The following MEMO1 variants were observed in gnomAD, a reference collection of about 807,000 sequenced individuals.
The protein encoded by MEMO1 is protein MEMO1.
A neutral mutation model predicts 45.2 loss-of-function variants in MEMO1; 6 were observed. The ratio of observed to expected loss-of-function variants is 0.13; its 90% CI spans 0.07 to 0.26. The LOEUF (loss-of-function observed/expected upper bound fraction) is 0.26. MEMO1 is among the 10% of genes least tolerant of loss of function. The probability of loss-of-function intolerance (pLI) is 1.00; values close to 1 mark genes in which losing one functional copy is unlikely to be tolerated. For missense variants in MEMO1, 184 were observed against 370.5 expected, an observed-to-expected ratio of 0.50 and a Z score of 4.13; for synonymous variants, 78 against 124.3, an observed-to-expected ratio of 0.63 and a Z score of 2.48.
intron 2 of MEMO1, among the ~76,000 whole-genome samples, chr2:32,005,393 A>C (rs1354839821): frequency 2.9e-5 from 3 of 103,466 alleles, no homozygotes. Flanking sequence ...GAAAACAGAC[A>C]AAATTTTTCT....
chr2:31,943,894 G>C (rs1451669462), intron 2 of MEMO1, among the ~76,000 whole-genome samples: 3 of 152,076 alleles, frequency 2.0e-5, no homozygotes, highest in Non-Finnish European at 4.4e-5. Flanking sequence ...AAAAATCTCA[G>C]TTTCAAGCAT....
chr2:31,933,434 A>G (rs1053075066), intron 3 of MEMO1, among the ~76,000 whole-genome samples: 2 of 145,280 alleles, frequency 1.4e-5, no homozygotes, highest in African/African-American at 2.5e-5. Context: ...AGGAAGAATT[A>G]TAAGCGAACA....
At chr2:31,932,579 T>C (rs1049775836) in intron 3 of MEMO1, among the ~76,000 whole-genome samples, 6 of 152,108 alleles carry the variant, frequency 3.9e-5, no homozygotes, top group South Asian at 2.1e-4. Flanking sequence ...GCTGAGACCA[T>C]AGGCGCATGC....
intron 6 of MEMO1, among the ~76,000 whole-genome samples, chr2:31,897,152 T>C (rs916708805): frequency 1.3e-5 from 2 of 152,054 alleles, no homozygotes; most frequent in Non-Finnish European, 2.9e-5. Context: ...AAATATACAA[T>C]CATGTCATCT....
intron 2 of MEMO1, among the ~76,000 whole-genome samples, chr2:31,978,209 A>G (rs1334136779): frequency 6.6e-6 from 1 of 152,092 alleles, no homozygotes; most frequent in Non-Finnish European, 1.5e-5. Context: ...CAACATGGTC[A>G]AACTCCATCT....
intron 6 of MEMO1, among the ~76,000 whole-genome samples, chr2:31,893,706 T>C (rs1677290215): frequency 6.6e-6 from 1 of 151,952 alleles, no homozygotes; most frequent in African/African-American, 2.4e-5. Flanking sequence ...ATTACAATAC[T>C]TACTTCATAA....
intron 2 of MEMO1, among the ~76,000 whole-genome samples, chr2:32,002,184 T>TACAC (rs1468566168): frequency 1.8e-3 from 212 of 116,920 alleles, no homozygotes; most frequent in Middle Eastern, 5.1e-3. Context: ...TATATATATA[T>TACAC]ATACACACAC....
At chr2:31,881,560 C>T (rs1355303909) in intron 8 of MEMO1, among the ~76,000 whole-genome samples, 1 of 105,580 alleles carries the variant, frequency 9.5e-6, no homozygotes, top group African/African-American at 3.6e-5. Context: ...GGCCCAAAAA[C>T]AAGACAATAC....
At chr2:31,937,420 A>C (rs922958726) in intron 3 of MEMO1, among the ~76,000 whole-genome samples, 6 of 152,208 alleles carry the variant, frequency 3.9e-5, no homozygotes, top group African/African-American at 1.4e-4. Flanking sequence ...CCTATGGCTT[A>C]GTACAAACAA....
chr2:31,971,475 C>T (rs1330757741), intron 2 of MEMO1, among the ~76,000 whole-genome samples: 1 of 152,094 alleles, frequency 6.6e-6, no homozygotes, highest in Non-Finnish European at 1.5e-5. Context: ...AGAGATCCTC[C>T]TATTGTGGCC....
At chr2:31,987,176 T>C (rs1348590683) in intron 2 of MEMO1, among the ~76,000 whole-genome samples, 30 of 152,072 alleles carry the variant, frequency 2.0e-4, no homozygotes, top group Admixed American at 1.9e-3. Context: ...GCTAATTTTT[T>C]ACTTTTTCTA....
chr2:31,922,869 T>G (rs1353525449), intron 4 of MEMO1, among the ~76,000 whole-genome samples: 4 of 152,180 alleles, frequency 2.6e-5, no homozygotes, highest in Admixed American at 2.6e-4. Flanking sequence ...TTATCTAGTC[T>G]ACCACTGATG....
chr2:31,988,874 T>G (rs1240970508), intron 2 of MEMO1, among the ~76,000 whole-genome samples: 1 of 152,126 alleles, frequency 6.6e-6, no homozygotes, highest in East Asian at 1.9e-4. Flanking sequence ...AACAACTAGT[T>G]ACTTACTCTT....
intron 3 of MEMO1, among the ~76,000 whole-genome samples, chr2:31,933,348 A>AAAAATATATATATATATATAT (rs1558514269): frequency 2.5e-4 from 4 of 16,180 alleles, no homozygotes; most frequent in African/African-American, 2.4e-4. Flanking sequence ...AAAAAAAAAA[A>AAAAATATATATATATATATAT]ATTTATATAT....
intron 6 of MEMO1, among the ~76,000 whole-genome samples, chr2:31,912,112 A>G (rs1015334071): frequency 2.6e-5 from 4 of 152,116 alleles, no homozygotes; most frequent in African/African-American, 9.7e-5. Context: ...GGGCGGGTGG[A>G]TCACTTGAGG....
At chr2:32,002,362 AG>A (rs1425407766) in intron 2 of MEMO1, among the ~76,000 whole-genome samples, 1 of 149,014 alleles carries the variant, frequency 6.7e-6, no homozygotes, top group Non-Finnish European at 1.5e-5. Context: ...CATATGTATG[AG>A]GAAATCCTTT....
chr2:31,991,546 G>A (rs1177913847), intron 2 of MEMO1, among the ~76,000 whole-genome samples: 3 of 140,060 alleles, frequency 2.1e-5, no homozygotes, highest in East Asian at 4.1e-4. Flanking sequence ...ACCCCAGCCT[G>A]GGCAACAAGA....
At chr2:32,010,152 A>ACGGCGG in intron 2 of MEMO1, 35 bp downstream of exon 2, 5 of 1,204,494 alleles carry the variant, frequency 4.2e-6, no homozygotes, top group Non-Finnish European at 5.3e-6. Context: ...CCAGGCGGCG[A>ACGGCGG]CGGCGGCGGG....
chr2:31,925,481 A>AAAAAAAAAAAAC, intron 4 of MEMO1, among the ~76,000 whole-genome samples: 1 of 93,966 alleles, frequency 1.1e-5, no homozygotes. Context: ...GTCTCAAAAA[A>AAAAAAAAAAAAC]AAAAAAAAAA....
Sources: allele counts gnomAD v4.1 joint callset (sites outside exome capture counted in the v4.1 genomes callset), GRCh38; gene constraint gnomAD v4.1.1; transcripts MANE v1.5; gene names NCBI Gene and HGNC (gene_info 2026-07-23, HGNC 2026-07-21).